Variants in MEF2A observed in about 807,000 individuals in gnomAD.
The protein encoded by MEF2A is myocyte-specific enhancer factor 2A.
In MEF2A, 28 loss-of-function variants were observed where a neutral mutation model predicts 55.8. The ratio of observed to expected loss-of-function variants is 0.50; its 90% CI spans 0.37 to 0.69. The LOEUF (loss-of-function observed/expected upper bound fraction) is 0.69, where lower values mean the gene tolerates loss of function less well. MEF2A is among the 30% of genes least tolerant of loss of function. The probability of loss-of-function intolerance (pLI) is 0.00; values close to 1 mark genes in which losing one functional copy is unlikely to be tolerated. For missense variants in MEF2A, 528 were observed against 626.2 expected (o/e 0.84, Z 1.67); for synonymous variants, 239 against 227.1 (o/e 1.05, Z -0.47).
At chr15:99,614,164 TAA>T (rs2039788725) in intron 2 of MEF2A, among the ~76,000 whole-genome samples, 1 of 152,250 alleles carries the variant, frequency 6.6e-6, no homozygotes, top group Non-Finnish European at 1.5e-5. Flanking sequence ...TTACATGAGA[TAA>T]TATATATTAA....
intron 1 of MEF2A, among the ~76,000 whole-genome samples, chr15:99,583,440 CATTATG>C (rs888947664): frequency 1.8e-4 from 28 of 152,020 alleles, no homozygotes; most frequent in Admixed American, 1.7e-3. Flanking sequence ...CATATTTGGC[CATTATG>C]TGAAGTACAA....
chr15:99,696,061 A>T (rs2056433697), intron 8 of MEF2A, among the ~76,000 whole-genome samples: 1 of 152,224 alleles, frequency 6.6e-6, no homozygotes, highest in African/African-American at 2.4e-5. Flanking sequence ...CTTTCCAAGA[A>T]ATAACTGTCT....
chr15:99,592,333 C>T (rs965550595), intron 1 of MEF2A, among the ~76,000 whole-genome samples: 2 of 151,906 alleles, frequency 1.3e-5, no homozygotes, highest in Admixed American at 6.6e-5. Context: ...CTTTGCCTGG[C>T]CTTGTGAATT....
intron 2 of MEF2A, among the ~76,000 whole-genome samples, chr15:99,612,963 C>T (rs139020364): frequency 4.7e-4 from 71 of 149,588 alleles, no homozygotes; most frequent in African/African-American, 1.6e-3. Context: ...TTCAAGGAAA[C>T]GGGAGAGAGA....
chr15:99,673,500 C>T (rs941655989), intron 5 of MEF2A, among the ~76,000 whole-genome samples: 6 of 152,046 alleles, frequency 3.9e-5, no homozygotes, highest in African/African-American at 1.4e-4. Flanking sequence ...GCAGTGTTAC[C>T]TTATTTTTGT....
At chr15:99,705,803 A>G (rs1371675708) in intron 9 of MEF2A, among the ~76,000 whole-genome samples, 1 of 152,214 alleles carries the variant, frequency 6.6e-6, no homozygotes, top group Non-Finnish European at 1.5e-5. Context: ...CCCGAATGTC[A>G]GTTATCAGGC....
chr15:99,602,567 T>A (rs1426814225), intron 2 of MEF2A, among the ~76,000 whole-genome samples: 1 of 152,112 alleles, frequency 6.6e-6, no homozygotes, highest in Non-Finnish European at 1.5e-5. Context: ...TGCCTTTCAC[T>A]GGCTTGGGCC....
At chr15:99,678,925 A>T (rs1054420245) in intron 7 of MEF2A, among the ~76,000 whole-genome samples, 1 of 152,198 alleles carries the variant, frequency 6.6e-6, no homozygotes, top group Admixed American at 6.5e-5. Flanking sequence ...AGAAAACTCG[A>T]CTTTTGAAAA....
At chr15:99,631,625 T>C (rs2042956752) in intron 2 of MEF2A, among the ~76,000 whole-genome samples, 1 of 152,158 alleles carries the variant, frequency 6.6e-6, no homozygotes, top group Non-Finnish European at 1.5e-5. Context: ...GACTCTGAAC[T>C]CTGCTAGATT....
intron 2 of MEF2A, among the ~76,000 whole-genome samples, chr15:99,618,509 T>A (rs368854990): frequency 6.6e-6 from 1 of 152,348 alleles, no homozygotes; most frequent in East Asian, 1.9e-4. Flanking sequence ...GGCAATGTTA[T>A]ATTTATTGAA....
intron 2 of MEF2A, among the ~76,000 whole-genome samples, chr15:99,612,131 C>T (rs1442560056): frequency 1.3e-5 from 2 of 151,918 alleles, no homozygotes; most frequent in South Asian, 4.2e-4. Context: ...TAGAAAAACA[C>T]CGGGCCGGGG....
At chr15:99,651,954 ACCTC>A (rs1288922845) in intron 4 of MEF2A, among the ~76,000 whole-genome samples, 1 of 151,922 alleles carries the variant, frequency 6.6e-6, no homozygotes, top group East Asian at 1.9e-4. Context: ...ATTGATGGAT[ACCTC>A]CCTATGTGTT....
intron 10 of MEF2A, among the ~76,000 whole-genome samples, chr15:99,709,954 C>T (rs147914129): frequency 2.8e-4 from 43 of 152,306 alleles, no homozygotes; most frequent in African/African-American, 1.0e-3. Flanking sequence ...TTCTGTCTTT[C>T]CTGTCCCCTA....
chr15:99,710,458 G>A (rs2058513896), intron 10 of MEF2A, among the ~76,000 whole-genome samples, 176 bp from the exon 11 acceptor site: 1 of 152,196 alleles, frequency 6.6e-6, no homozygotes. Flanking sequence ...GTCCAGGCTG[G>A]TCTCAAACTC....
At chr15:99,590,527 G>A (rs1466315048) in intron 1 of MEF2A, among the ~76,000 whole-genome samples, 2 of 149,444 alleles carry the variant, frequency 1.3e-5, no homozygotes, top group African/African-American at 4.9e-5. Context: ...GTACCATCTT[G>A]CCATCTTTGT....
At chr15:99,689,577 T>C (rs2054964474) in intron 7 of MEF2A, among the ~76,000 whole-genome samples, 1 of 152,124 alleles carries the variant, frequency 6.6e-6, no homozygotes, top group African/African-American at 2.4e-5. Context: ...GTCTCCCGGG[T>C]TCAAGTGATT....
chr15:99,600,604 A>T (rs978737102), intron 2 of MEF2A, among the ~76,000 whole-genome samples: 1 of 152,048 alleles, frequency 6.6e-6, no homozygotes, highest in African/African-American at 2.4e-5. Context: ...TAAGGGTTGA[A>T]GTTTATTTCT....
chr15:99,669,937 G>C (rs1000368441), intron 4 of MEF2A, among the ~76,000 whole-genome samples: 3 of 152,260 alleles, frequency 2.0e-5, no homozygotes, highest in Admixed American at 6.5e-5. Flanking sequence ...CAGTGATCAA[G>C]CTTTGTTTCC....
intron 2 of MEF2A, among the ~76,000 whole-genome samples, chr15:99,609,756 G>T (rs1282833630): frequency 6.6e-6 from 1 of 152,024 alleles, no homozygotes; most frequent in Non-Finnish European, 1.5e-5. Flanking sequence ...TTCCATAAGG[G>T]TAAAGAATCT....
Sources: gnomAD v4.1 joint callset for allele counts (sites outside exome capture counted in the v4.1 genomes callset) on GRCh38, gnomAD v4.1.1 for gene constraint, MANE v1.5 for transcripts, NCBI Gene and HGNC (gene_info 2026-07-23, HGNC 2026-07-21) for gene names.